The following TMEM143 variants were observed in gnomAD, a reference collection of about 807,000 sequenced individuals.
TMEM143 encodes transmembrane protein 143.
Under a neutral mutation model 40.3 loss-of-function variants are expected in TMEM143, and 45 were observed. The ratio of observed to expected loss-of-function variants is 1.12; its 90% CI spans 0.88 to 1.43. The LOEUF (loss-of-function observed/expected upper bound fraction) is 1.43, where lower values mean the gene tolerates loss of function less well. Ranked by LOEUF, TMEM143 falls within the 40% of genes most tolerant of loss-of-function variation. The probability of loss-of-function intolerance (pLI) is 0.00; values close to 1 mark genes in which losing one functional copy is unlikely to be tolerated. For synonymous variants in TMEM143, 299 were observed against 282.7 expected, an observed-to-expected ratio of 1.06 and a Z score of -0.58; for missense variants, 620 against 613.4, an observed-to-expected ratio of 1.01 and a Z score of -0.11.
chr19:48,347,840 G>A (rs2147371364), intron 3 of TMEM143, among the ~76,000 whole-genome samples: 1 of 142,584 alleles, frequency 7.0e-6, no homozygotes, highest in South Asian at 2.4e-4. Context: ...ACAGGTGTGA[G>A]CCACCGCATC....
intron 3 of TMEM143, among the ~76,000 whole-genome samples, chr19:48,347,292 G>A (rs1969655722): frequency 6.6e-6 from 1 of 152,128 alleles, no homozygotes; most frequent in Non-Finnish European, 1.5e-5. Context: ...TTCAGGCCAG[G>A]TGCGATTCTG....
chr19:48,350,870 C>T (rs1969752713), intron 3 of TMEM143, among the ~76,000 whole-genome samples: 1 of 132,770 alleles, frequency 7.5e-6, no homozygotes, highest in South Asian at 2.3e-4. Flanking sequence ...TGCAGTGAGC[C>T]AACACAGTGC....
chr19:48,337,557 G>GAAA (rs146218078), intron 6 of TMEM143, among the ~76,000 whole-genome samples: 1 of 145,608 alleles, frequency 6.9e-6, no homozygotes. Context: ...AAAAAAAGAA[G>GAAA]AAAAAAAAAA....
At chr19:48,354,772 G>A (rs751524460) in intron 3 of TMEM143, among the ~76,000 whole-genome samples, 12 of 152,040 alleles carry the variant, frequency 7.9e-5, no homozygotes, top group Admixed American at 2.0e-4. Flanking sequence ...AAGGTCACCC[G>A]CACCACTAGT....
rs1448140391 is a variant in TMEM143 at position 48,361,252 on chromosome 19, C to T, written c.265-1076G>A. Among the ~76,000 whole-genome samples the T allele has an allele frequency of 4.0e-5, 6 of 150,180 alleles. No individual in the cohort carries two copies. In the South Asian group the frequency reaches 1.3e-3, roughly 32 times the overall value. ...TTTTTTTTTTTGAGAAGGAGTCTCA[C>T]TCTGTTGCCAAGGCTGGAGTGCAGC... On this transcript the variant is annotated intron_variant, in intron 2 of 7. Coordinates refer to ENST00000293261, the MANE Select transcript of TMEM143 (RefSeq NM_018273.4).
In TMEM143 at chr19:48,343,359, G is replaced by A; in HGVS notation, c.657C>T (p.Ser219=). ...GQMPLKSSVG[S]RRGFFTKLPP... is the part of the protein sequence containing the mutation. The stretch of plus-strand genomic sequence containing the variant: ...GCAGCTTGGTGAAGAAGCCACGCCT[G>A]GAGCCCACGCTGGACTTCAGGGGCA... Residue 219 remains serine (S), a synonymous_variant, in exon 5 of 8, where the codon TCC becomes TCT. Coordinates refer to ENST00000293261, the MANE Select transcript of TMEM143 (RefSeq NM_018273.4). 6.2e-7 allele frequency: 1 copy of A among 1,610,250 alleles called. No individual in the cohort carries two copies. The highest frequency in any genetic ancestry group is 8.5e-7 in the Non-Finnish European group (1 of 1,178,782).
chr19:48,341,731 T>C (rs1182839777), intron 6 of TMEM143, among the ~76,000 whole-genome samples: 1 of 152,072 alleles, frequency 6.6e-6, no homozygotes, highest in African/African-American at 2.4e-5. Context: ...TTGTTCAAGA[T>C]CACACAGCGA....
chr19:48,333,750 C>G lies in TMEM143; in HGVS notation c.1165+258G>C, dbSNP rs1227495160. Among the ~76,000 whole-genome samples the G allele has an allele frequency of 6.6e-6, 1 of 152,018 alleles. No homozygotes were observed. The highest frequency in any genetic ancestry group is 1.5e-5 in the Non-Finnish European group (1 of 67,998). On this transcript the variant is annotated intron_variant, in intron 7 of 7. Coordinates refer to ENST00000293261, the MANE Select transcript of TMEM143 (RefSeq NM_018273.4). The surrounding 1 kb of genome is among the most constrained non-coding windows in gnomAD (Gnocchi z 4.1). ...ATCTCTTGTAGGGAGAGTGTCAGCTCAGGTAGAGGAAAGAATGACAGGAGG... is the reference window on the plus strand; with the variant it reads ...ATCTCTTGTAGGGAGAGTGTCAGCTGAGGTAGAGGAAAGAATGACAGGAGG...
Position 48,356,939 on chromosome 19 carries a change from C to T in TMEM143, c.369+3133G>A, listed in dbSNP as rs1197916357. ...TTTTTTTTTGAGATGGAGTCTCACTCTGTCACCCAGGCTGGAGTGCAGTGG... is the reference window on the plus strand; with the variant it reads ...TTTTTTTTTGAGATGGAGTCTCACTTTGTCACCCAGGCTGGAGTGCAGTGG... On this transcript the variant is annotated intron_variant, in intron 3 of 7. Transcript: ENST00000293261. 3.6e-5 allele frequency among the ~76,000 whole-genome samples: 4 copies of T among 111,722 alleles called. No individual in the cohort carries two copies. In the East Asian group the frequency reaches 1.2e-3, roughly 34 times the overall value. The allele number at this position is 111,722 out of a possible 152,430, so 73.3% of individuals were successfully genotyped here.
At chr19:48,348,344 T>C (rs1252302481) in intron 3 of TMEM143, among the ~76,000 whole-genome samples, 1 of 152,030 alleles carries the variant, frequency 6.6e-6, no homozygotes, top group Non-Finnish European at 1.5e-5. Flanking sequence ...ATCCTGCCGA[T>C]TCCACCTTCA....
intron 3 of TMEM143, among the ~76,000 whole-genome samples, chr19:48,349,465 G>A (rs764627981): frequency 6.6e-6 from 1 of 152,174 alleles, no homozygotes; most frequent in Non-Finnish European, 1.5e-5. Flanking sequence ...GCAACGCGGT[G>A]AAACCCCATT....
rs1969277458 is a variant in TMEM143, at chr19:48,333,926, T to TG, written c.1165+81dup. The TG allele has an allele frequency of 3.6e-6, 5 of 1,382,222 alleles. No individual in the cohort carries two copies. The African/African-American group carries it at 6.0e-5, about 17-fold the overall frequency. The allele number at this position is 1,382,222 out of a possible 1,614,324, so 85.6% of individuals were successfully genotyped here. ...ACCCGTCAGGTTCACCCGTGGGAAC[T>TG]GGGGGTGGGGACGCATCTCGCTGGG... On this transcript the variant is annotated intron_variant, in intron 7 of 7. Transcript: ENST00000293261. The surrounding 1 kb of genome is among the most constrained non-coding windows in gnomAD (Gnocchi z 4.1).
chr19:48,358,309 G>A lies in TMEM143; in HGVS notation c.369+1763C>T, dbSNP rs142049137. ...TGAGGCACAAGAATCACTTCAACCC[G>A]GAAGACAGAGGTTGCAGTGAGCCAA... On this transcript the variant is annotated intron_variant, in intron 3 of 7. Coordinates refer to ENST00000293261, the MANE Select transcript of TMEM143 (RefSeq NM_018273.4). Among the ~76,000 whole-genome samples the A allele has an allele frequency of 5.3e-5, 8 of 151,798 alleles. No individual in the cohort carries two copies. In the East Asian group the frequency reaches 9.7e-4, roughly 18 times the overall value.
At chr19:48,351,547 C>T (rs76122265) in intron 3 of TMEM143, among the ~76,000 whole-genome samples, 3,389 of 152,274 alleles carry the variant, frequency 0.022, 134 homozygotes, top group African/African-American at 0.077. Flanking sequence ...TCCTCACCAC[C>T]GCCCAGGGGG....
intron 6 of TMEM143, among the ~76,000 whole-genome samples, chr19:48,338,253 T>C (rs912014947): frequency 3.9e-5 from 6 of 152,154 alleles, no homozygotes; most frequent in African/African-American, 1.4e-4. Flanking sequence ...GCTCAGACTT[T>C]ATCCCCGCCT....
Position 48,333,308 on chromosome 19 carries a change from A to G in TMEM143, c.1291T>C (p.Tyr431His), listed in dbSNP as rs1181238092. 6.2e-7 allele frequency: 1 copy of G among 1,602,922 alleles called. No individual in the cohort carries two copies. Among genetic ancestry groups the G allele is most frequent in the Admixed American group, 1.7e-5 (1 of 59,242 alleles). Reference sequence around the variant, plus strand: ...AGTTTGGGGAAACCCGGGGGTGGGTACAATCCCATGCTGGGGGTCAGGGCC... The same window carrying G: ...AGTTTGGGGAAACCCGGGGGTGGGTGCAATCCCATGCTGGGGGTCAGGGCC... The part of the protein sequence containing the change: ...LQALTPSMGL[Y>H]PPPGFPKLDP... Residue 431 changes from tyrosine to histidine, a missense_variant, in exon 8 of 8, where the codon TAC (tyrosine) becomes CAC (histidine). Tyr to His is a moderately conservative substitution (Grantham distance 83). Coordinates refer to ENST00000293261, the MANE Select transcript of TMEM143 (RefSeq NM_018273.4). The surrounding 1 kb of genome is among the most constrained non-coding windows in gnomAD (Gnocchi z 4.1).
intron 3 of TMEM143, 128 bp from the exon 4 acceptor site, chr19:48,345,482 T>G: frequency 1.9e-5 from 10 of 533,938 alleles, no homozygotes; most frequent in African/African-American, 2.3e-5. Context: ...TTTATTGAGA[T>G]AGAGTCTCGC....
At position 48,363,424 on chromosome 19, in the gene TMEM143, A is replaced by G; in HGVS notation, c.131T>C (p.Leu44Pro). The G allele has an allele frequency of 6.2e-7, 1 of 1,613,978 alleles. No individual in the cohort carries two copies. Residue 44 changes from leucine to proline, a missense_variant, in exon 2 of 8, where the codon CTC becomes CCC. Transcript: ENST00000293261. The stretch of plus-strand genomic sequence containing the variant: ...CCCCATTTTGGCTGCCAGCGATGAG[A>G]GGGCCCGGGGGGGCCCGAGGAGCGC... ...LPALLGPPRA[L>P]SSLAAKMGEY... is the part of the protein sequence containing the mutation.
In TMEM143 at chr19:48,342,713, C is replaced by A. The variant is rs1198561508; in HGVS notation, c.792G>T (p.Gln264His). 1.9e-6 allele frequency: 3 copies of A among 1,614,084 alleles called. No homozygotes were observed. Among genetic ancestry groups the A allele is most frequent in the Non-Finnish European group, 2.5e-6 (3 of 1,180,038 alleles). Residue 264 changes from glutamine (Q) to histidine (H), a missense_variant, in exon 6 of 8, where the codon CAG becomes CAT. Physicochemically the swap from Gln to His is conservative, Grantham distance 24. Coordinates refer to ENST00000293261, the MANE Select transcript of TMEM143 (RefSeq NM_018273.4). The stretch of plus-strand genomic sequence containing the variant: ...TGCGCACCTTCAGCTCCGGCAGCAG[C>A]TGCTCCAGGCCTTCCAGCGGCGTGT... The part of the protein sequence containing the change: ...FKDTPLEGLE[Q>H]LLPELKVRTP...
Sources: allele counts gnomAD v4.1 joint callset (sites outside exome capture counted in the v4.1 genomes callset), GRCh38; gene constraint gnomAD v4.1.1; non-coding constraint Gnocchi (gnomAD v3.1); transcripts MANE v1.5; gene names NCBI Gene and HGNC (gene_info 2026-07-23, HGNC 2026-07-21).